COL4A2: variants seen among roughly 807,000 people sequenced by gnomAD.
COL4A2 encodes collagen alpha-2(IV) chain.
Under a neutral mutation model 200.2 loss-of-function variants are expected in COL4A2, and 99 were observed. That is an observed-to-expected ratio of 0.49 (90% confidence interval 0.42 to 0.58). The LOEUF is 0.58. Among genes scored for constraint, COL4A2 ranks in the 20% least tolerant of loss-of-function variants. COL4A2 has a pLI of 0.00. For missense variants in COL4A2, 1,950 were observed against 2,314.1 expected, an observed-to-expected ratio of 0.84 and a Z score of 3.23; for synonymous variants, 897 against 900.6, an observed-to-expected ratio of 1.00 and a Z score of 0.07.
At chr13:110,430,715 T>C (rs1477969700) in intron 10 of COL4A2, 108 bp downstream of exon 10, 2 of 1,421,308 alleles carry the variant, frequency 1.4e-6, no homozygotes, top group East Asian at 4.5e-5. Context: ...AGAACAACTA[T>C]GATGCTTATA....
In COL4A2 at chr13:110,424,795, C is replaced by T. The variant is rs750061237; in HGVS notation, c.242C>T (p.Pro81Leu). ...GGGCCACCAGGATTACAAGGATTCC[C>T]GGGACTGCAGGGACGTAAAGGAGAC... is the stretch of plus-strand genomic sequence containing the variant. ...YNGPPGLQGF[P>L]GLQGRKGDKG... Residue 81 changes from proline to leucine, a missense_variant, in exon 5 of 48, where the codon CCG (proline) becomes CTG (leucine). By Grantham distance (98) the Pro-to-Leu change is moderately conservative. Around this residue, in one of 2 missense-constraint regions of COL4A2, gnomAD observed 565 missense variants for 593.5 expected, o/e 0.95. Transcript: ENST00000360467. 67 of 1,612,772 alleles carry T rather than the reference C, an allele frequency of 4.2e-5. No individual in the cohort carries two copies. In the Admixed American group the frequency reaches 6.3e-4, roughly 15 times the overall value.
intron 4 of COL4A2, among the ~76,000 whole-genome samples, chr13:110,366,596 T>C (rs1877764190): frequency 6.6e-6 from 1 of 152,190 alleles, no homozygotes; most frequent in Non-Finnish European, 1.5e-5. Context: ...ATGCACATTT[T>C]CCTCCCTGAG....
Position 110,307,769 on chromosome 13 carries a change from G to C in COL4A2, c.-44-91G>C, listed in dbSNP as rs1884828448. ...CCCCTGCATGCGGGCCGCGCACCGCGCTGTCCCCGCGTCTCGCGGACCGAG... is the reference window on the plus strand; with the variant it reads ...CCCCTGCATGCGGGCCGCGCACCGCCCTGTCCCCGCGTCTCGCGGACCGAG... On this transcript the variant is annotated intron_variant, in intron 1 of 47. Coordinates refer to ENST00000360467, the MANE Select transcript of COL4A2 (RefSeq NM_001846.4). The surrounding 1 kb of genome is among the most constrained non-coding windows in gnomAD (Gnocchi z 5.0). 1 of 1,244,562 alleles carries C rather than the reference G, an allele frequency of 8.0e-7. No homozygotes were observed. The highest frequency in any genetic ancestry group is 1.5e-5 in the African/African-American group (1 of 65,844). 77.1% of individuals were successfully genotyped at this position (1,244,562 alleles called of 1,614,324 possible).
At chr13:110,492,029 G>T (rs917271007) in intron 37 of COL4A2, 41 bp from the exon 38 acceptor site, 7 of 1,523,002 alleles carry the variant, frequency 4.6e-6, no homozygotes, top group African/African-American at 2.8e-5. Context: ...AGCGCCCAAG[G>T]TGTCCTGTGT....
intron 24 of COL4A2, among the ~76,000 whole-genome samples, chr13:110,463,869 G>T (rs1882130045): frequency 6.6e-6 from 1 of 152,156 alleles, no homozygotes; most frequent in Non-Finnish European, 1.5e-5. Context: ...GTTTTTTGGG[G>T]CCAGAGAACA....
intron 25 of COL4A2, 128 bp downstream of exon 25, chr13:110,465,734 C>A: frequency 1.1e-6 from 1 of 939,036 alleles, no homozygotes; most frequent in Non-Finnish European, 1.6e-6. Flanking sequence ...CTCGCACGTA[C>A]AAGGGATGAC....
chr13:110,361,477 C>T (rs11839958), intron 4 of COL4A2, among the ~76,000 whole-genome samples: 8,271 of 152,276 alleles, frequency 0.054, 781 homozygotes, highest in African/African-American at 0.19. Context: ...CGCCACACCC[C>T]AGCACTTGGC....
At chr13:110,378,887 G>C (rs956295010) in intron 4 of COL4A2, among the ~76,000 whole-genome samples, 8 of 152,112 alleles carry the variant, frequency 5.3e-5, no homozygotes, top group African/African-American at 1.7e-4. Context: ...CATTGGTGTC[G>C]GTGGACACAG....
chr13:110,344,475 G>T (rs925417066), intron 3 of COL4A2, among the ~76,000 whole-genome samples: 1 of 152,200 alleles, frequency 6.6e-6, no homozygotes, highest in Non-Finnish European at 1.5e-5. Context: ...TTGCTGATAG[G>T]TAATTGGAAC....
intron 3 of COL4A2, among the ~76,000 whole-genome samples, chr13:110,314,027 T>C (rs1885066970): frequency 6.6e-6 from 1 of 152,248 alleles, no homozygotes; most frequent in South Asian, 2.1e-4. Flanking sequence ...CAGCCTGGTA[T>C]CCTGGGGCGG....
At chr13:110,344,034 G>A (rs1876589068) in intron 3 of COL4A2, among the ~76,000 whole-genome samples, 1 of 151,902 alleles carries the variant, frequency 6.6e-6, no homozygotes, top group African/African-American at 2.4e-5. Context: ...TTAAAATTTA[G>A]TGTAGATAAT....
chr13:110,464,548 G>A (rs1043619473), intron 24 of COL4A2, among the ~76,000 whole-genome samples: 11 of 150,978 alleles, frequency 7.3e-5, no homozygotes, highest in Non-Finnish European at 1.0e-4. Flanking sequence ...TAAAACACAG[G>A]GGTACACCAC....
chr13:110,489,983 C>T (rs565606678), intron 36 of COL4A2, among the ~76,000 whole-genome samples, 198 bp downstream of exon 36: 2 of 152,264 alleles, frequency 1.3e-5, no homozygotes, highest in Admixed American at 6.5e-5. Context: ...GGAAGTCTTT[C>T]TCTCTCTCTG....
chr13:110,510,656 G>C (rs1478652471), intron 47 of COL4A2, among the ~76,000 whole-genome samples: 1 of 151,944 alleles, frequency 6.6e-6, no homozygotes, highest in Non-Finnish European at 1.5e-5. Flanking sequence ...TTGTGTGTGT[G>C]CATGAGTGTA....
At chr13:110,497,009 G>A (rs534398352) in intron 40 of COL4A2, among the ~76,000 whole-genome samples, 43 of 148,364 alleles carry the variant, frequency 2.9e-4, no homozygotes, top group African/African-American at 1.0e-3. Context: ...CACCAGCACA[G>A]CCTCAGTCAG....
In COL4A2 at chr13:110,360,726, CA is replaced by C. The variant is rs367910807; in HGVS notation, c.180+3176del. Among the ~76,000 whole-genome samples the C allele has an allele frequency of 5.4e-4, 82 of 152,306 alleles. 2 individuals are homozygous for C. The South Asian group carries it at 0.014, about 26-fold the overall frequency. On this transcript the variant is annotated intron_variant, in intron 4 of 47. Transcript: ENST00000360467. ...TCCAGACGGGTTATCAACACTGATC[CA>C]ATTAAGCTGTGATTGGCAGCTGTCT...
At chr13:110,406,969 C>T (rs781354793) in intron 4 of COL4A2, among the ~76,000 whole-genome samples, 2 of 152,168 alleles carry the variant, frequency 1.3e-5, no homozygotes, top group African/African-American at 2.4e-5. Context: ...GTCTCCTGCT[C>T]CTGGGGCTCA....
intron 21 of COL4A2, 46 bp from the exon 22 acceptor site, chr13:110,458,725 T>C: frequency 6.2e-7 from 1 of 1,611,360 alleles, no homozygotes; most frequent in Non-Finnish European, 8.5e-7. Flanking sequence ...CCCGCCACGC[T>C]AAGAGGAATG....
At chr13:110,316,029 A>T (rs1440618865) in intron 3 of COL4A2, among the ~76,000 whole-genome samples, 2 of 152,164 alleles carry the variant, frequency 1.3e-5, no homozygotes, top group Admixed American at 6.5e-5. Context: ...GTATATGATG[A>T]TAAAGGAATC....
Sources: gnomAD v4.1 joint callset for allele counts (sites outside exome capture counted in the v4.1 genomes callset) on GRCh38, gnomAD v4.1.1 for gene constraint, gnomAD v4.1.1 regional missense constraint, Gnocchi (gnomAD v3.1) non-coding constraint, MANE v1.5 for transcripts, NCBI Gene and HGNC (gene_info 2026-07-23, HGNC 2026-07-21) for gene names.